The following DLG1 variants were observed in gnomAD, a reference collection of about 807,000 sequenced individuals.
DLG1 encodes the protein discs large MAGUK scaffold protein 1.
Under a neutral mutation model 123.4 loss-of-function variants are expected in DLG1, and 42 were observed. The ratio of observed to expected loss-of-function variants is 0.34; its 90% CI spans 0.27 to 0.44. The LOEUF (loss-of-function observed/expected upper bound fraction) is 0.44. Among genes scored for constraint, DLG1 ranks in the 20% least tolerant of loss-of-function variants. The pLI is 1.00. For synonymous variants in DLG1, 317 were observed against 356.2 expected, an observed-to-expected ratio of 0.89 and a Z score of 1.24; for missense variants, 942 against 1,082.6, an observed-to-expected ratio of 0.87 and a Z score of 1.82.
chr3:197,125,554 A>G (rs913460133), intron 11 of DLG1, among the ~76,000 whole-genome samples: 2 of 152,218 alleles, frequency 1.3e-5, no homozygotes, highest in African/African-American at 4.8e-5. Flanking sequence ...ATGAGATGGA[A>G]TTGCTAGAAT....
chr3:197,132,272 A>T (rs1783039403), intron 10 of DLG1, among the ~76,000 whole-genome samples: 1 of 144,830 alleles, frequency 6.9e-6, no homozygotes, highest in African/African-American at 2.6e-5. Context: ...TTAGGTTTGG[A>T]TTGTTCTTCT....
chr3:197,048,827 G>C (rs1001048452), intron 24 of DLG1, among the ~76,000 whole-genome samples: 3 of 151,886 alleles, frequency 2.0e-5, no homozygotes, highest in African/African-American at 7.3e-5. Flanking sequence ...GGCTAATTTT[G>C]TATTTTTAGT....
chr3:197,183,575 C>T, intron 5 of DLG1: 1 of 1,549,960 alleles, frequency 6.5e-7, no homozygotes, highest in Non-Finnish European at 8.7e-7. Context: ...GGTATGTTAC[C>T]TGGGTGGAGC....
In DLG1 at chr3:197,076,619, C is replaced by T. The variant is rs1747449227; in HGVS notation, c.1972G>A (p.Asp658Asn). ...SRKFPFYKNK[D>N]QSEQETSDAD... ...TCACTTGTTTCCTGCTCACTCTGGTCCTTGTTCTTGTAGAAGGGGAATTTT... is the reference window on the plus strand; with the variant it reads ...TCACTTGTTTCCTGCTCACTCTGGTTCTTGTTCTTGTAGAAGGGGAATTTT... Residue 658 changes from aspartate to asparagine, a missense_variant, in exon 18 of 25, where the codon GAC becomes AAC. By Grantham distance (23) the Asp-to-Asn change is conservative (BLOSUM62 1). Transcript: ENST00000667157. The T allele has an allele frequency of 5.0e-6, 8 of 1,612,832 alleles. No individual in the cohort carries two copies. The East Asian group carries it at 1.8e-4, about 36-fold the overall frequency.
At chr3:197,208,676 G>T (rs985403601) in intron 4 of DLG1, among the ~76,000 whole-genome samples, 23 of 143,634 alleles carry the variant, frequency 1.6e-4, no homozygotes, top group African/African-American at 5.6e-4. Context: ...CTACACTCCT[G>T]TGTGTGTGGC....
intron 7 of DLG1, 112 bp from the exon 8 acceptor site, chr3:197,140,376 G>C: frequency 9.6e-7 from 1 of 1,037,438 alleles, no homozygotes; most frequent in East Asian, 2.5e-5. Flanking sequence ...AACAAATAAA[G>C]GTATATGGGT....
chr3:197,115,861 A>G, intron 13 of DLG1, 66 bp downstream of exon 13: 2 of 1,505,994 alleles, frequency 1.3e-6, no homozygotes, highest in South Asian at 2.5e-5. Context: ...AAAAAACAGA[A>G]GACCTTGCTT....
chr3:197,128,152 C>G (rs1040446768), intron 11 of DLG1, among the ~76,000 whole-genome samples: 1 of 152,188 alleles, frequency 6.6e-6, no homozygotes, highest in Non-Finnish European at 1.5e-5. Flanking sequence ...GCATTTTACC[C>G]ACAGTAGAAC....
At chr3:197,099,983 T>C (rs1004091056) in intron 14 of DLG1, among the ~76,000 whole-genome samples, 5 of 152,178 alleles carry the variant, frequency 3.3e-5, no homozygotes, top group South Asian at 4.1e-4. Context: ...CTGACAGGCA[T>C]ATGGCATTTT....
At chr3:197,080,858 T>G in intron 17 of DLG1, 193 bp downstream of exon 17, 1 of 469,840 alleles carries the variant, frequency 2.1e-6, no homozygotes, top group Non-Finnish European at 3.8e-6. Flanking sequence ...TAATAATATA[T>G]CAAATGATAG....
chr3:197,178,582 C>T (rs759139614), intron 5 of DLG1, among the ~76,000 whole-genome samples: 1 of 152,138 alleles, frequency 6.6e-6, no homozygotes, highest in Admixed American at 6.5e-5. Flanking sequence ...GGACTAGATG[C>T]GATCACCTGA....
chr3:197,148,261 A>AAAAAAAAAAAAAAAAAAC (rs1792030659), intron 6 of DLG1, among the ~76,000 whole-genome samples: 2 of 144,788 alleles, frequency 1.4e-5, no homozygotes, highest in Non-Finnish European at 3.1e-5. Flanking sequence ...AAAAAAAAAA[A>AAAAAAAAAAAAAAAAAAC]TAGCCAGTCA....
Position 197,260,132 on chromosome 3 carries a change from C to T in DLG1, c.318+22547G>A, listed in dbSNP as rs575180820. 2.6e-4 allele frequency: 69 copies of T among 267,752 alleles called. 1 individual carries two copies. The highest frequency in any genetic ancestry group is 2.2e-3 in the Middle Eastern group (5 of 2,260). 16.6% of individuals were successfully genotyped at this position (267,752 alleles called of 1,614,324 possible). On this transcript the variant is annotated intron_variant, in intron 4 of 24. Transcript: ENST00000667157. ...TCTAAAGGATATAAACTAAGCATCA[C>T]ATGGATTCACACATCTATTTTCAAA...
intron 4 of DLG1, among the ~76,000 whole-genome samples, chr3:197,218,478 C>T (rs1735193495): frequency 6.6e-6 from 1 of 152,224 alleles, no homozygotes; most frequent in African/African-American, 2.4e-5. Flanking sequence ...CACAGCTATA[C>T]TGTCAGAACA....
chr3:197,279,586 C>T (rs983482977), intron 4 of DLG1, among the ~76,000 whole-genome samples: 10 of 152,174 alleles, frequency 6.6e-5, no homozygotes, highest in African/African-American at 2.4e-4. Flanking sequence ...AGATCTGACG[C>T]TCACAATATG....
chr3:197,112,667 T>C (rs969071669), intron 13 of DLG1, among the ~76,000 whole-genome samples: 30 of 151,996 alleles, frequency 2.0e-4, no homozygotes, highest in African/African-American at 6.8e-4. Flanking sequence ...GCTCACTCAC[T>C]GTAGCTTCAA....
chr3:197,177,566 A>C lies in DLG1; in HGVS notation c.483+16859T>G, dbSNP rs1451535710. Among the ~76,000 whole-genome samples the C allele has an allele frequency of 2.6e-5, 4 of 152,176 alleles. No individual in the cohort carries two copies. The East Asian group carries it at 7.7e-4, about 29-fold the overall frequency. ...AGGTCAATCAATCTAGGATGGTCCA[A>C]GATGGAGATGTCTTGGTGTGAATTT... On this transcript the variant is annotated intron_variant, in intron 5 of 24. Transcript: ENST00000667157.
At chr3:197,156,266 G>C (rs1796373139) in intron 5 of DLG1, among the ~76,000 whole-genome samples, 1 of 152,074 alleles carries the variant, frequency 6.6e-6, no homozygotes, top group Non-Finnish European at 1.5e-5. Context: ...GATGTTAAAT[G>C]TAATCCCCAT....
In DLG1 at chr3:197,282,700, G is replaced by A; in HGVS notation, c.297C>T (p.Ser99=). 6.2e-7 allele frequency: 1 copy of A among 1,604,988 alleles called. No homozygotes were observed. Among genetic ancestry groups the A allele is most frequent in the Non-Finnish European group, 8.5e-7 (1 of 1,177,040 alleles). ...SSTVTSETLP[S]SLSPSVEKYR... ...TCACCTCTACACTAGGGCTAAGGCT[G>A]CTTGGCAGTGTCTCTGAAGTCACAG... The change falls in exon 4 of 25, where the codon AGC becomes AGT. Residue 99 remains serine, a synonymous_variant. Coordinates refer to ENST00000667157, the MANE Select transcript of DLG1 (RefSeq NM_001366207.1).
Sources: gnomAD v4.1 joint callset for allele counts (sites outside exome capture counted in the v4.1 genomes callset) on GRCh38, gnomAD v4.1.1 for gene constraint, MANE v1.5 for transcripts, NCBI Gene and HGNC (gene_info 2026-07-23, HGNC 2026-07-21) for gene names.